PALLD: variants seen among roughly 807,000 people sequenced by gnomAD.
PALLD encodes palladin, cytoskeletal associated protein, also known as palladin.
PALLD carries 61 observed loss-of-function variants against 123.5 expected under a neutral mutation model. The observed-to-expected ratio is 0.49, with a 90% CI of 0.40 to 0.61. The LOEUF (loss-of-function observed/expected upper bound fraction) is 0.61, where lower values mean the gene tolerates loss of function less well. Ranked by LOEUF, PALLD falls within the 20% of genes least tolerant of loss-of-function variation. The pLI is 0.00. For missense variants in PALLD, 1,273 were observed against 1,377.0 expected, an observed-to-expected ratio of 0.92 and a Z score of 1.20; for synonymous variants, 465 against 496.4, an observed-to-expected ratio of 0.94 and a Z score of 0.84.
At chr4:168,850,523 C>CTTTTTTT (rs767777801) in intron 10 of PALLD, among the ~76,000 whole-genome samples, 2,484 of 34,684 alleles carry the variant, frequency 0.072, 574 homozygotes, top group Middle Eastern at 0.15. Flanking sequence ...TCTGTCATTT[C>CTTTTTTT]TTTTTTTTTT....
At chr4:168,570,214 G>A (rs1028838633) in intron 2 of PALLD, among the ~76,000 whole-genome samples, 3 of 152,150 alleles carry the variant, frequency 2.0e-5, no homozygotes, top group African/African-American at 7.2e-5. Context: ...ATAATTGTCT[G>A]TCTATTTAAC....
chr4:168,550,300 A>G (rs1766596958), intron 2 of PALLD, among the ~76,000 whole-genome samples: 1 of 152,154 alleles, frequency 6.6e-6, no homozygotes. Context: ...AAAACAGAAA[A>G]CGAAAACAAA....
intron 1 of PALLD, among the ~76,000 whole-genome samples, chr4:168,506,621 A>G (rs1762031502): frequency 6.6e-6 from 1 of 152,204 alleles, no homozygotes; most frequent in Non-Finnish European, 1.5e-5. Context: ...TGTATAAAAC[A>G]TGTTACAGCG....
At chr4:168,801,279 T>TTGTG (rs1189807473) in intron 10 of PALLD, among the ~76,000 whole-genome samples, 1 of 152,154 alleles carries the variant, frequency 6.6e-6, no homozygotes, top group African/African-American at 2.4e-5. Context: ...TAAAATTTTT[T>TTGTG]TGTTTGTTTG....
At position 168,688,779 on chromosome 4, in the gene PALLD, GA is replaced by G. The variant is rs111498400; in HGVS notation, c.1336-1813del. On this transcript the variant is annotated intron_variant, in intron 6 of 21. Coordinates refer to ENST00000505667, the MANE Select transcript of PALLD (RefSeq NM_001166108.2). ...CCTACATCTTTGACTTTCCGACACTGAAAAAAAAAAATGCATAATCTTAGGA... is the reference window on the plus strand; with the variant it reads ...CCTACATCTTTGACTTTCCGACACTGAAAAAAAAAATGCATAATCTTAGGA... 4.9e-3 allele frequency among the ~76,000 whole-genome samples: 721 copies of G among 146,102 alleles called. 4 individuals are homozygous for G. The highest frequency in any genetic ancestry group is 0.025 in the East Asian group (128 of 5,046).
intron 2 of PALLD, among the ~76,000 whole-genome samples, chr4:168,581,397 C>T (rs755128678): frequency 1.1e-4 from 16 of 151,980 alleles, no homozygotes; most frequent in Non-Finnish European, 1.6e-4. Flanking sequence ...CTTTTCTTCA[C>T]GCCCTTGCCA....
intron 2 of PALLD, among the ~76,000 whole-genome samples, chr4:168,620,352 G>T (rs1774640281): frequency 6.6e-6 from 1 of 152,194 alleles, no homozygotes; most frequent in African/African-American, 2.4e-5. Context: ...CTACTCAGGA[G>T]GCTGAGGCAG....
intron 10 of PALLD, among the ~76,000 whole-genome samples, chr4:168,835,210 T>G (rs1581696941): frequency 6.6e-6 from 1 of 152,218 alleles, no homozygotes; most frequent in African/African-American, 2.4e-5. Context: ...AGCACTTATT[T>G]CAAGAGATCC....
intron 2 of PALLD, among the ~76,000 whole-genome samples, chr4:168,601,626 T>C (rs529437594): frequency 1.3e-5 from 2 of 151,966 alleles, no homozygotes; most frequent in Non-Finnish European, 2.9e-5. Flanking sequence ...AAAAAAAGAA[T>C]AAAAATAAGT....
intron 2 of PALLD, among the ~76,000 whole-genome samples, chr4:168,585,909 T>G (rs7679378): frequency 0.27 from 40,507 of 151,916 alleles, 5,497 homozygotes; most frequent in East Asian, 0.38. Context: ...TTTGCATTGG[T>G]AGAATGTCAG....
chr4:168,724,616 A>C (rs1048787399), intron 10 of PALLD, among the ~76,000 whole-genome samples: 1 of 152,270 alleles, frequency 6.6e-6, no homozygotes, highest in Admixed American at 6.5e-5. Flanking sequence ...AACATATTAA[A>C]TTGATTCTGT....
chr4:168,746,380 C>CAAAAAAAAAAAAAA lies in PALLD; in HGVS notation c.1964+34474_1964+34487dup, dbSNP rs747755592. ...TGGGCGACAGAGCGAGAACCCGTCT[C>CAAAAAAAAAAAAAA]AAAAAAAAAAAAAAAAAAAAAAAAA... On this transcript the variant is annotated intron_variant, in intron 10 of 21. Coordinates refer to ENST00000505667, the MANE Select transcript of PALLD (RefSeq NM_001166108.2). Among the ~76,000 whole-genome samples, 49 of 37,018 alleles carry CAAAAAAAAAAAAAA rather than the reference C, an allele frequency of 1.3e-3. 5 individuals carry two copies. Among genetic ancestry groups the CAAAAAAAAAAAAAA allele is most frequent in the Admixed American group, 2.5e-3 (5 of 2,030 alleles). The allele number at this position is 37,018 out of a possible 152,430, so 24.3% of individuals were successfully genotyped here. A position where few individuals can be genotyped will look rare whatever the true frequency, so the allele number is the denominator to read the frequency against.
At chr4:168,654,384 G>A (rs1385183583) in intron 2 of PALLD, among the ~76,000 whole-genome samples, 1 of 152,072 alleles carries the variant, frequency 6.6e-6, no homozygotes, top group Non-Finnish European at 1.5e-5. Flanking sequence ...TTGCTTTAGG[G>A]CATACAGGAT....
At chr4:168,660,943 C>CA in intron 2 of PALLD, among the ~76,000 whole-genome samples, 1 of 151,262 alleles carries the variant, frequency 6.6e-6, no homozygotes, top group Non-Finnish European at 1.5e-5. Flanking sequence ...CTCGCTCTGT[C>CA]ACCCAGGCTG....
intron 10 of PALLD, among the ~76,000 whole-genome samples, chr4:168,764,567 G>A (rs1357904079): frequency 6.6e-6 from 1 of 152,070 alleles, no homozygotes; most frequent in East Asian, 1.9e-4. Context: ...ACAGATGTGT[G>A]CCACTGTGCC....
At chr4:168,823,360 T>C (rs1473608070) in intron 10 of PALLD, among the ~76,000 whole-genome samples, 2 of 152,146 alleles carry the variant, frequency 1.3e-5, no homozygotes, top group South Asian at 2.1e-4. Flanking sequence ...ATGTTGTCTC[T>C]GAACAATGAG....
chr4:168,598,516 T>C (rs1233816762), intron 2 of PALLD: 4 of 452,312 alleles, frequency 8.8e-6, no homozygotes, highest in Non-Finnish European at 1.7e-5. Context: ...AGAGAGGTAA[T>C]TGCAAAGATG....
intron 2 of PALLD, among the ~76,000 whole-genome samples, chr4:168,557,922 G>A (rs1333000329): frequency 6.6e-6 from 1 of 152,152 alleles, no homozygotes; most frequent in Non-Finnish European, 1.5e-5. Context: ...AGGGAGGGAA[G>A]GTGGGGAGAT....
intron 10 of PALLD, among the ~76,000 whole-genome samples, chr4:168,767,442 C>T (rs1405395724): frequency 6.6e-6 from 1 of 152,076 alleles, no homozygotes; most frequent in Non-Finnish European, 1.5e-5. Context: ...CCAGAGATAA[C>T]ATTGTTAACT....
Sources: allele counts gnomAD v4.1 joint callset (sites outside exome capture counted in the v4.1 genomes callset), GRCh38; gene constraint gnomAD v4.1.1; transcripts MANE v1.5; gene names NCBI Gene and HGNC (gene_info 2026-07-23, HGNC 2026-07-21).